The following ZNF208 variants were observed in gnomAD, a reference collection of about 807,000 sequenced individuals.
ZNF208 encodes the protein zinc finger protein 208, also known as zinc finger protein 95.
Under a neutral mutation model 12.1 loss-of-function variants are expected in ZNF208, and 10 were observed. That is an observed-to-expected ratio of 0.83 (90% CI 0.51 to 1.40). ZNF208 has a LOEUF of 1.40. Ranked by LOEUF, ZNF208 falls within the 40% of genes most tolerant of loss-of-function variation. The pLI, the probability that ZNF208 is intolerant of heterozygous loss-of-function variation, is 0.00. For missense variants in ZNF208, 1,652 were observed against 1,485.0 expected (o/e 1.11, Z -1.85); for synonymous variants, 497 against 488.4 (o/e 1.02, Z -0.23).
In ZNF208 at chr19:21,972,577, G is replaced by A. The variant is rs1221153643; in HGVS notation, c.2457C>T (p.Thr819=). 3 of 1,613,138 alleles carry A rather than the reference G, an allele frequency of 1.9e-6. No homozygotes were observed. Among genetic ancestry groups the A allele is most frequent in the East Asian group, 2.2e-5 (1 of 44,782 alleles). ...ECGKTFSKVS[T]LTTHKAIHAG... ...CATGAATTGCCTTATGTGTAGTAAG[G>A]GTTGAGACCTTACTAAAGGTTTTGC... is the stretch of plus-strand genomic sequence containing the variant. Residue 819 remains threonine, a synonymous_variant, in exon 4 of 4, where the codon ACC becomes ACT. Coordinates refer to ENST00000397126, the MANE Select transcript of ZNF208 (RefSeq NM_007153.3).
At position 21,974,697 on chromosome 19, in the gene ZNF208, A is replaced by T; in HGVS notation, c.337T>A (p.Leu113Ile). ...YEKCGHENLH[L>I]KIGYTNVDEC... ...TCCACATTGGTATAACCAATTTTTA[A>T]GTGTAAATTCTCATGTCCACATTTT... The change falls in exon 4 of 4, where the codon TTA (leucine) becomes ATA (isoleucine). Residue 113 changes from leucine to isoleucine, a missense_variant. Leu to Ile is a conservative substitution (Grantham distance 5). Around this residue, in one of 3 missense-constraint regions of ZNF208, gnomAD observed 410 missense variants for 378.2 expected, o/e 1.08. Coordinates refer to ENST00000397126, the MANE Select transcript of ZNF208 (RefSeq NM_007153.3). 1 of 1,613,680 alleles carries T rather than the reference A, an allele frequency of 6.2e-7. No homozygotes were observed. Among genetic ancestry groups the T allele is most frequent in the African/African-American group, 1.3e-5 (1 of 75,028 alleles).
At chr19:21,978,336 C>A (rs1327231400) in intron 3 of ZNF208, among the ~76,000 whole-genome samples, 1 of 152,160 alleles carries the variant, frequency 6.6e-6, no homozygotes, top group East Asian at 1.9e-4. Context: ...CTGGCTGGCA[C>A]ATGGCAGGTG....
At chr19:21,948,798 C>CA (rs1045288902) in intron 4 of ZNF208, among the ~76,000 whole-genome samples, 49 of 150,432 alleles carry the variant, frequency 3.3e-4, no homozygotes, top group African/African-American at 6.6e-4. Flanking sequence ...CAAAAAAACT[C>CA]AAAAAAACAA....
rs774191008 is a variant in ZNF208, at chr19:21,970,683, T to C, written c.*508A>G. 10 of 1,088,322 alleles carry C rather than the reference T, an allele frequency of 9.2e-6. No homozygotes were observed. The highest frequency in any genetic ancestry group is 1.2e-5 in the Non-Finnish European group (9 of 722,176). The allele number at this position is 1,088,322 out of a possible 1,614,324, so 67.4% of individuals were successfully genotyped here. On this transcript the variant is annotated 3_prime_UTR_variant, in exon 4 of 4. Coordinates refer to ENST00000397126, the MANE Select transcript of ZNF208 (RefSeq NM_007153.3). ...GGTTGAAGCCTTTGCCACATTCTTC[T>C]CATTTGTAGAGTTTCTCTCCAGCAT...
At position 21,971,682 on chromosome 19, in the gene ZNF208, A is replaced by T. The variant is rs1373133417; in HGVS notation, c.3352T>A (p.Cys1118Ser). Residue 1118 changes from cysteine (C) to serine (S), a missense_variant, in exon 4 of 4, where the codon TGT (cysteine) becomes AGT (serine). By Grantham distance (112) the Cys-to-Ser change is moderately radical (BLOSUM62 -1). Around this residue, in one of 3 missense-constraint regions of ZNF208, gnomAD observed 1,239 missense variants for 1,086.2 expected, o/e 1.14. Coordinates refer to ENST00000397126, the MANE Select transcript of ZNF208 (RefSeq NM_007153.3). ...TGEKPYKCEE[C>S]GKSFSTFSIL... ...GAGAACGTACTAAAGCTTTTGCCAC[A>T]TTCTTCACATTTGTAGGGTTTCTCT... is the stretch of plus-strand genomic sequence containing the variant. 6.2e-7 allele frequency: 1 copy of T among 1,613,878 alleles called. No homozygotes were observed.
chr19:22,001,660 T>G (rs1383897188), intron 1 of ZNF208, among the ~76,000 whole-genome samples: 1 of 151,314 alleles, frequency 6.6e-6, no homozygotes, highest in East Asian at 2.0e-4. Context: ...GAGGCCAAGG[T>G]GGGCCAATTT....
downstream of ZNF208, chr19:21,965,861 T>C (rs1246232480): frequency 6.6e-6 from 1 of 151,954 alleles, no homozygotes; most frequent in Non-Finnish European, 1.5e-5. Flanking sequence ...ACAAATTAAG[T>C]CTATAGTGTA....
In ZNF208 at chr19:21,948,501, C is replaced by A. The variant is rs80139400; in HGVS notation, c.306-15264G>T. On this transcript the variant is annotated intron_variant, in intron 4 of 4. Transcript: ENST00000599916. ...CCTCCCATATTTTGGGCCCCCAATACCCATATATCATCAGCTCCTCTGGTT... is the reference window on the plus strand; with the variant it reads ...CCTCCCATATTTTGGGCCCCCAATAACCATATATCATCAGCTCCTCTGGTT... 8.2e-4 allele frequency among the ~76,000 whole-genome samples: 125 copies of A among 152,230 alleles called. 1 individual carries two copies. In the East Asian group the frequency reaches 0.022, roughly 27 times the overall value.
At chr19:21,985,217 A>G (rs1184294190) in intron 3 of ZNF208, among the ~76,000 whole-genome samples, 1 of 152,208 alleles carries the variant, frequency 6.6e-6, no homozygotes, top group Non-Finnish European at 1.5e-5. Flanking sequence ...GATAAAAACA[A>G]AAAGGTCTCC....
intron 4 of ZNF208, among the ~76,000 whole-genome samples, chr19:21,953,169 A>T (rs191614020): frequency 1.4e-3 from 208 of 152,332 alleles, no homozygotes; most frequent in African/African-American, 4.7e-3. Context: ...ACTATGTGAA[A>T]AGACCAAATC....
At chr19:21,962,783 C>A (rs1470763580), downstream of ZNF208, among the ~76,000 whole-genome samples, 1 of 151,998 alleles carries the variant, frequency 6.6e-6, no homozygotes, top group African/African-American at 2.4e-5. Flanking sequence ...TAAGCAGATG[C>A]ATCAATAATA....
intron 4 of ZNF208, among the ~76,000 whole-genome samples, chr19:21,955,173 G>A (rs553058565): frequency 6.6e-6 from 1 of 152,270 alleles, no homozygotes; most frequent in South Asian, 2.1e-4. Context: ...ATTCTCTTCT[G>A]GCTTGTAGTT....
intron 4 of ZNF208, among the ~76,000 whole-genome samples, chr19:21,950,726 C>T (rs1321911894): frequency 1.3e-5 from 2 of 151,902 alleles, no homozygotes; most frequent in Non-Finnish European, 2.9e-5. Context: ...AACTCCTGAC[C>T]TCAGGTGATC....
At chr19:22,009,320 G>A (rs1321764294) in intron 1 of ZNF208, among the ~76,000 whole-genome samples, 1 of 152,138 alleles carries the variant, frequency 6.6e-6, no homozygotes, top group Non-Finnish European at 1.5e-5. Flanking sequence ...AATAGGGGGT[G>A]GCAGATAGAC....
chr19:21,971,654 A>G lies in ZNF208; in HGVS notation c.3380T>C (p.Ile1127Thr), dbSNP rs762920895. 2 of 1,610,978 alleles carry G rather than the reference A, an allele frequency of 1.2e-6. No homozygotes were observed. Among genetic ancestry groups the G allele is most frequent in the African/African-American group, 2.7e-5 (2 of 73,928 alleles). Residue 1127 changes from isoleucine to threonine, a missense_variant, in exon 4 of 4, where the codon ATC (isoleucine) becomes ACC (threonine). By Grantham distance (89) the Ile-to-Thr change is moderately conservative. Coordinates refer to ENST00000397126, the MANE Select transcript of ZNF208 (RefSeq NM_007153.3). The part of the protein sequence containing the change: ...ECGKSFSTFS[I>T]LTKHKVIHTG... ...ATGAATTACCTTATGTTTAGTAAGG[A>G]TTGAGAACGTACTAAAGCTTTTGCC...
chr19:21,941,517 C>T (rs1430008421), intron 4 of ZNF208: 7 of 390,640 alleles, frequency 1.8e-5, no homozygotes, highest in East Asian at 3.6e-5. Context: ...TGATTCTCAA[C>T]ACAAGTGCAA....
chr19:21,961,184 G>T (rs886509126), downstream of ZNF208, among the ~76,000 whole-genome samples: 1 of 152,142 alleles, frequency 6.6e-6, no homozygotes, highest in Non-Finnish European at 1.5e-5. Flanking sequence ...TAAAGAGAAA[G>T]AGTACAAAGA....
intron 2 of ZNF208, among the ~76,000 whole-genome samples, chr19:21,987,836 A>T (rs1970654090): frequency 6.6e-6 from 1 of 152,124 alleles, no homozygotes; most frequent in South Asian, 2.1e-4. Context: ...TGCTTCTTAG[A>T]TCTAAGTGAT....
In ZNF208 at chr19:22,002,935, C is replaced by G. The variant is rs1599633798; in HGVS notation, c.3+7857G>C. On this transcript the variant is annotated intron_variant, in intron 1 of 3. Transcript: ENST00000397126. The stretch of plus-strand genomic sequence containing the variant: ...AACAAAGCTGAAGGCATTACATTAC[C>G]TGACTTCAAACTACACAACAGTGCT... Among the ~76,000 whole-genome samples, 4 of 152,266 alleles carry G rather than the reference C, an allele frequency of 2.6e-5. No individual in the cohort carries two copies. In the South Asian group the frequency reaches 6.2e-4, roughly 24 times the overall value.
Sources: allele counts gnomAD v4.1 joint callset (sites outside exome capture counted in the v4.1 genomes callset), GRCh38; gene constraint gnomAD v4.1.1; regional missense constraint gnomAD v4.1.1; transcripts MANE v1.5; gene names NCBI Gene and HGNC (gene_info 2026-07-23, HGNC 2026-07-21).